The following CRAT variants were observed in gnomAD, a reference collection of about 807,000 sequenced individuals.
CRAT encodes the protein carnitine acetylase.
CRAT carries 66 observed loss-of-function variants against 73.7 expected under a neutral mutation model. The ratio of observed to expected loss-of-function variants is 0.90; its 90% CI spans 0.73 to 1.10. The LOEUF (loss-of-function observed/expected upper bound fraction) is 1.10. Among genes scored for constraint, CRAT ranks in the 50% least tolerant of loss-of-function variants. The pLI, the probability that CRAT is intolerant of heterozygous loss-of-function variation, is 0.00. For missense variants in CRAT, 745 were observed against 846.9 expected (o/e 0.88, Z 1.49); for synonymous variants, 321 against 343.2 (o/e 0.94, Z 0.71).
chr9:129,108,834 G>A, intron 1 of CRAT: 3 of 1,304,190 alleles, frequency 2.3e-6, no homozygotes, highest in Non-Finnish European at 3.0e-6. Context: ...TGCCTTGGCT[G>A]GATCTCTAAG....
chr9:129,100,300 T>C, intron 7 of CRAT: 1 of 623,522 alleles, frequency 1.6e-6, no homozygotes, highest in South Asian at 2.1e-5. Context: ...GGGGGTGTGC[T>C]GGGGGTGACA....
intron 1 of CRAT, chr9:129,108,546 C>T (rs776058237): frequency 1.9e-5 from 22 of 1,134,472 alleles, no homozygotes; most frequent in East Asian, 6.2e-5. Flanking sequence ...GCAGCACCTT[C>T]GGGTGAGGGG....
At chr9:129,098,450 C>G in intron 9 of CRAT, 79 bp from the exon 10 acceptor site, 1 of 1,593,852 alleles carries the variant, frequency 6.3e-7, no homozygotes, top group Non-Finnish European at 8.6e-7. Flanking sequence ...GGTGTCATGA[C>G]AGAGCTGGCA....
At chr9:129,105,714 G>A (rs538677751) in intron 2 of CRAT, among the ~76,000 whole-genome samples, 13 of 152,162 alleles carry the variant, frequency 8.5e-5, no homozygotes, top group Non-Finnish European at 1.3e-4. Flanking sequence ...CTGTGGCCTC[G>A]GGGAGTAGAT....
At position 129,105,970 on chromosome 9, in the gene CRAT, C is replaced by T. The variant is rs186737977; in HGVS notation, c.292-1664G>A. Among the ~76,000 whole-genome samples the T allele has an allele frequency of 2.0e-3, 312 of 152,260 alleles. 7 individuals carry two copies. The highest frequency in any genetic ancestry group is 0.019 in the Admixed American group (284 of 15,300). On this transcript the variant is annotated intron_variant, in intron 2 of 13. Coordinates refer to ENST00000318080, the MANE Select transcript of CRAT (RefSeq NM_000755.5). The stretch of plus-strand genomic sequence containing the variant: ...TGTCCTCTATGCTGACTGCAACACC[C>T]ACCCTTCCTGCACACAGCCAGTACA...
chr9:129,100,352 G>T, intron 7 of CRAT, 159 bp downstream of exon 7: 1 of 874,640 alleles, frequency 1.1e-6, no homozygotes, highest in Non-Finnish European at 1.7e-6. Flanking sequence ...TGACAGGCTG[G>T]CTGCCTGGTA....
chr9:129,098,336 AACACC>A lies in CRAT; in HGVS notation c.1236_1240del (p.Met412IlefsTer40), dbSNP rs750895770. 1.9e-6 allele frequency: 3 copies of A among 1,613,960 alleles called. No individual in the cohort carries two copies. Among genetic ancestry groups the A allele is most frequent in the Middle Eastern group, 1.7e-4 (1 of 5,994 alleles). On this transcript the variant is annotated frameshift_variant, in exon 10 of 14. Coordinates refer to ENST00000318080, the MANE Select transcript of CRAT (RefSeq NM_000755.5). LOFTEE classifies it high-confidence loss of function. ...GGGGAAGTCTTTTCCAAAATGGTGG[AACACC>A]ATCACGGTGATATCCAGGTCCTGGA...
In CRAT at chr9:129,107,944, A is replaced by G; in HGVS notation, c.161T>C (p.Leu54Pro). 6.2e-7 allele frequency: 1 copy of G among 1,609,228 alleles called. No homozygotes were observed. Among genetic ancestry groups the G allele is most frequent in the Non-Finnish European group, 8.5e-7 (1 of 1,179,700 alleles). The change falls in exon 2 of 14, where the codon CTG (leucine) becomes CCG (proline). Residue 54 changes from leucine (L) to proline (P), a missense_variant. Coordinates refer to ENST00000318080, the MANE Select transcript of CRAT (RefSeq NM_000755.5). This position sits in a 1 kb window ranked among gnomAD's most constrained non-coding sequence, Gnocchi z 5.0. The stretch of plus-strand genomic sequence containing the variant: ...CTCCTCCTCACTCACGATGGGCTGC[A>G]GCGCCTTCAGGTAGTGGTCCAGGGA... ...QQSLDHYLKA[L>P]QPIVSEEEWA...
chr9:129,099,655 C>CA (rs1847534488), intron 8 of CRAT, among the ~76,000 whole-genome samples: 1 of 151,432 alleles, frequency 6.6e-6, no homozygotes, highest in African/African-American at 2.4e-5. Flanking sequence ...AGGCTGATCT[C>CA]AAACTCCTGA....
At chr9:129,109,836 G>A (rs189978252) in intron 1 of CRAT, among the ~76,000 whole-genome samples, 462 of 151,960 alleles carry the variant, frequency 3.0e-3, no homozygotes, top group Non-Finnish European at 4.5e-3. Flanking sequence ...GCTGCTCACC[G>A]GGGAGGACTG....
chr9:129,107,794 G>C lies in CRAT; in HGVS notation c.291+20C>G. 1 of 1,613,146 alleles carries C rather than the reference G, an allele frequency of 6.2e-7. No homozygotes were observed. Among genetic ancestry groups the C allele is most frequent in the Non-Finnish European group, 8.5e-7 (1 of 1,180,010 alleles). ...CATGTGCAGCCAGCAGCAGGTCACA[G>C]TGAGGATGCCCTCACTCACCCAGTT... is the stretch of plus-strand genomic sequence containing the variant. On this transcript the variant is annotated intron_variant, in intron 2 of 13. Coordinates refer to ENST00000318080, the MANE Select transcript of CRAT (RefSeq NM_000755.5). The surrounding 1 kb of genome is among the most constrained non-coding windows in gnomAD (Gnocchi z 5.0).
chr9:129,095,683 G>A, intron 13 of CRAT, 71 bp from the exon 14 acceptor site: 1 of 1,485,026 alleles, frequency 6.7e-7, no homozygotes, highest in Non-Finnish European at 9.1e-7. Context: ...GGCTGCCTGT[G>A]CTTCCGCCAA....
chr9:129,098,839 A>T (rs59221517), intron 8 of CRAT, among the ~76,000 whole-genome samples, 189 bp from the exon 9 acceptor site: 2 of 142,228 alleles, frequency 1.4e-5, no homozygotes, highest in Non-Finnish European at 3.0e-5. Flanking sequence ...TTTTAGATGG[A>T]GTCTTGCTCT....
At chr9:129,100,369 G>T in intron 7 of CRAT, 142 bp downstream of exon 7, 1 of 1,032,606 alleles carries the variant, frequency 9.7e-7, no homozygotes, top group Non-Finnish European at 1.4e-6. Flanking sequence ...GGTAATTACG[G>T]CAGCGTCCAG....
intron 2 of CRAT, among the ~76,000 whole-genome samples, chr9:129,104,603 G>A (rs903755194): frequency 6.7e-5 from 4 of 60,000 alleles, no homozygotes; most frequent in Non-Finnish European, 9.3e-5. Flanking sequence ...CAAGGTGAAC[G>A]AATTCTTTTT....
rs1418180252 is a variant in CRAT, at chr9:129,110,594, G to T, written c.-85C>A. ...CGCCGCCGCCGCCGCGGCTGGGGTC[G>T]GTGGGTCCTTGCTAGAGCCTTCGGG... On this transcript the variant is annotated 5_prime_UTR_variant, in exon 1 of 14. Coordinates refer to ENST00000318080, the MANE Select transcript of CRAT (RefSeq NM_000755.5). The surrounding 1 kb of genome is among the most constrained non-coding windows in gnomAD (Gnocchi z 5.3). 15 of 1,446,326 alleles carry T rather than the reference G, an allele frequency of 1.0e-5. No individual in the cohort carries two copies. Among genetic ancestry groups the T allele is most frequent in the African/African-American group, 1.5e-5 (1 of 67,286 alleles). 89.6% of individuals were successfully genotyped at this position (1,446,326 alleles called of 1,614,324 possible). A position where few individuals can be genotyped will look rare whatever the true frequency, so the allele number is the denominator to read the frequency against.
In CRAT at chr9:129,110,720, C is replaced by CG. The variant is rs1437319118; in HGVS notation, c.-212dup. The CG allele has an allele frequency of 1.6e-6, 1 of 625,600 alleles. No individual in the cohort carries two copies. Among genetic ancestry groups the CG allele is most frequent in the Non-Finnish European group, 2.5e-6 (1 of 394,420 alleles). 38.8% of individuals were successfully genotyped at this position (625,600 alleles called of 1,614,324 possible). A position where few individuals can be genotyped will look rare whatever the true frequency, so the allele number is the denominator to read the frequency against. Reference sequence around the variant, plus strand: ...GAAGGCACCCGGGGAGGAGGACTCGCGAGGCGGGGCCTGGGCCGGTAGCGG... The same window carrying CG: ...GAAGGCACCCGGGGAGGAGGACTCGCGGAGGCGGGGCCTGGGCCGGTAGCGG... On this transcript the variant is annotated 5_prime_UTR_variant, in exon 1 of 14. Coordinates refer to ENST00000318080, the MANE Select transcript of CRAT (RefSeq NM_000755.5). The surrounding 1 kb of genome is among the most constrained non-coding windows in gnomAD (Gnocchi z 5.3).
In CRAT at chr9:129,095,063, C is replaced by CA. The variant is rs1395719035; in HGVS notation, c.*333dup. 1 of 368,610 alleles carries CA rather than the reference C, an allele frequency of 2.7e-6. No homozygotes were observed. The highest frequency in any genetic ancestry group is 2.1e-5 in the African/African-American group (1 of 48,560). 22.8% of individuals were successfully genotyped at this position (368,610 alleles called of 1,614,324 possible). On this transcript the variant is annotated 3_prime_UTR_variant, in exon 14 of 14. Coordinates refer to ENST00000318080, the MANE Select transcript of CRAT (RefSeq NM_000755.5). ...AGTGGCCGGGGCTGAGCTGGTGAGA[C>CA]AAAGAGCTCTTGCCAGTCTCCTGCT...
rs1280970717 is a variant in CRAT at position 129,095,504 on chromosome 9, A to T, written c.1774T>A (p.Tyr592Asn). ...EAHINFSLSA[Y>N]NSCAETNAAR... is the part of the protein sequence containing the mutation. Reference sequence around the variant, plus strand: ...GCGTTGGTCTCCGCGCAGCTGTTGTAGGCCGACAGGGAGAAGTTGATGTGG... The same window carrying T: ...GCGTTGGTCTCCGCGCAGCTGTTGTTGGCCGACAGGGAGAAGTTGATGTGG... The change falls in exon 14 of 14, where the codon TAC (tyrosine) becomes AAC (asparagine). Residue 592 changes from tyrosine to asparagine, a missense_variant. By Grantham distance (143) the Tyr-to-Asn change is moderately radical. Transcript: ENST00000318080. 1.1e-5 allele frequency: 18 copies of T among 1,613,526 alleles called. No individual in the cohort carries two copies. Among genetic ancestry groups the T allele is most frequent in the Non-Finnish European group, 1.5e-5 (18 of 1,179,992 alleles).
Sources: gnomAD v4.1 joint callset for allele counts (sites outside exome capture counted in the v4.1 genomes callset) on GRCh38, gnomAD v4.1.1 for gene constraint, Gnocchi (gnomAD v3.1) non-coding constraint, MANE v1.5 for transcripts, NCBI Gene and HGNC (gene_info 2026-07-23, HGNC 2026-07-21) for gene names.